Variants in SIMC1 observed in about 807,000 individuals in gnomAD.
The protein encoded by SIMC1 is SUMO-interacting motif-containing protein 1.
A neutral mutation model predicts 82.3 loss-of-function variants in SIMC1; 55 were observed. The observed-to-expected ratio is 0.67, with a 90% CI of 0.54 to 0.84. The LOEUF (loss-of-function observed/expected upper bound fraction) is 0.84. Ranked by LOEUF, SIMC1 falls within the 40% of genes least tolerant of loss-of-function variation. The pLI is 0.00. For synonymous variants in SIMC1, 353 were observed against 426.3 expected (o/e 0.83, Z 2.12); for missense variants, 915 against 1,107.2 (o/e 0.83, Z 2.46).
At chr5:176,294,869 G>A (rs1164806746) in intron 2 of SIMC1, 161 bp from the exon 3 acceptor site, 6 of 985,224 alleles carry the variant, frequency 6.1e-6, no homozygotes, top group Non-Finnish European at 8.6e-6. Flanking sequence ...GGAGGCTGAG[G>A]CAGGAGAATG....
At chr5:176,257,930 C>T (rs1264612247) in intron 1 of SIMC1, among the ~76,000 whole-genome samples, 1 of 152,194 alleles carries the variant, frequency 6.6e-6, no homozygotes, top group East Asian at 1.9e-4. Context: ...TAAAAAATGT[C>T]TCCAGACATT....
chr5:176,253,579 T>A lies in SIMC1; in HGVS notation c.129+14942T>A, dbSNP rs189511791. Among the ~76,000 whole-genome samples, 352 of 152,284 alleles carry A rather than the reference T, an allele frequency of 2.3e-3. 3 individuals are homozygous for A. Among genetic ancestry groups the A allele is most frequent in the African/African-American group, 8.1e-3 (338 of 41,564 alleles). On this transcript the variant is annotated intron_variant, in intron 1 of 9. Transcript: ENST00000429602. Reference sequence around the variant, plus strand: ...ATCCTGGATTGTTGGTCTCATTCCATGTTGTAGGGAGTCATTGACAACTAG... The same window carrying A: ...ATCCTGGATTGTTGGTCTCATTCCAAGTTGTAGGGAGTCATTGACAACTAG...
chr5:176,335,861 A>G (rs1765867232), intron 7 of SIMC1, among the ~76,000 whole-genome samples: 2 of 152,178 alleles, frequency 1.3e-5, no homozygotes, highest in Non-Finnish European at 2.9e-5. Flanking sequence ...CTGACAACAT[A>G]GTGAGACCGC....
rs757391245 is a variant in SIMC1 at position 176,290,462 on chromosome 5, G to A, written c.938G>A (p.Gly313Glu). 2 of 1,613,792 alleles carry A rather than the reference G, an allele frequency of 1.2e-6. No individual in the cohort carries two copies. Among genetic ancestry groups the A allele is most frequent in the Non-Finnish European group, 1.7e-6 (2 of 1,179,762 alleles). Residue 313 changes from glycine to glutamate, a missense_variant, in exon 2 of 10, where the codon GGA becomes GAA. Gly to Glu is a moderately conservative substitution (Grantham distance 98). Around this residue, in one of 2 missense-constraint regions of SIMC1, gnomAD observed 902 missense variants for 1,040.3 expected, o/e 0.87. Coordinates refer to ENST00000429602, the MANE Select transcript of SIMC1 (RefSeq NM_001308195.2). ...CTGCAAGACATGCCACGGTCACCAGGAGATGTGCCACAGTCACCAAGTGAT... is the reference window on the plus strand; with the variant it reads ...CTGCAAGACATGCCACGGTCACCAGAAGATGTGCCACAGTCACCAAGTGAT... Reference protein sequence around the residue: ...AYLQDMPRSPGDVPQSPSDVS... With the variant: ...AYLQDMPRSPEDVPQSPSDVS...
rs565036185 is a variant in SIMC1, at chr5:176,263,371, A to G, written c.129+24734A>G. On this transcript the variant is annotated intron_variant, in intron 1 of 9. Coordinates refer to ENST00000429602, the MANE Select transcript of SIMC1 (RefSeq NM_001308195.2). ...TGCTGTAAGGGAATACCTGAGGCTG[A>G]GTCATTTATAAAGAAAAGAGGTTTA... is the stretch of plus-strand genomic sequence containing the variant. 18 of 1,457,402 alleles carry G rather than the reference A, an allele frequency of 1.2e-5. No individual in the cohort carries two copies. The East Asian group carries it at 4.5e-4, about 36-fold the overall frequency. The allele number at this position is 1,457,402 out of a possible 1,614,324, so 90.3% of individuals were successfully genotyped here.
Position 176,254,392 on chromosome 5 carries a change from T to C in SIMC1, c.129+15755T>C, listed in dbSNP as rs2650293. Among the ~76,000 whole-genome samples the C allele has an allele frequency of 9.5e-3, 1,376 of 145,300 alleles. 20 individuals are homozygous for C. The highest frequency in any genetic ancestry group is 0.022 in the African/African-American group (825 of 37,024). ...TATTGTCCTGGTTTTCAGTTTTGAA[T>C]GTCTGGTTATGGCACTGGATGGTTT... On this transcript the variant is annotated intron_variant, in intron 1 of 9. Coordinates refer to ENST00000429602, the MANE Select transcript of SIMC1 (RefSeq NM_001308195.2).
chr5:176,343,777 T>A (rs1362922640), intron 9 of SIMC1, among the ~76,000 whole-genome samples: 1 of 150,386 alleles, frequency 6.6e-6, no homozygotes, highest in African/African-American at 2.5e-5. Context: ...CTTTTCTTTT[T>A]TTGTTTTTTT....
At chr5:176,272,626 G>A (rs1458372727) in intron 1 of SIMC1, among the ~76,000 whole-genome samples, 1 of 152,206 alleles carries the variant, frequency 6.6e-6, no homozygotes, top group East Asian at 1.9e-4. Flanking sequence ...AAGAGCTGAA[G>A]CAGGGTGAGG....
At chr5:176,257,945 A>G (rs1459732187) in intron 1 of SIMC1, among the ~76,000 whole-genome samples, 5 of 152,202 alleles carry the variant, frequency 3.3e-5, no homozygotes, top group Non-Finnish European at 7.3e-5. Context: ...GACATTGCCA[A>G]ATAGCCCCTG....
At chr5:176,308,256 A>T in intron 4 of SIMC1, 1 of 1,540,430 alleles carries the variant, frequency 6.5e-7, no homozygotes, top group Non-Finnish European at 9.0e-7. Context: ...GTTGCTGAAA[A>T]GGTTGATGCC....
At position 176,295,035 on chromosome 5, in the gene SIMC1, G is replaced by A. The variant is rs759066697; in HGVS notation, c.1437G>A (p.Lys479=). Reference sequence around the variant, plus strand: ...CTTCTTTTTAATCTCTACAGAACAAGGGTCAAAAATTAGAACCCATCCCTC... The same window carrying A: ...CTTCTTTTTAATCTCTACAGAACAAAGGTCAAAAATTAGAACCCATCCCTC... ...LIPDKDTREN[K]GQKLEPIPHR... is the part of the protein sequence containing the mutation. Residue 479 remains lysine, a synonymous_variant, in exon 3 of 10, where the codon AAG becomes AAA. Coordinates refer to ENST00000429602, the MANE Select transcript of SIMC1 (RefSeq NM_001308195.2). 8.7e-6 allele frequency: 14 copies of A among 1,610,546 alleles called. No individual in the cohort carries two copies. The South Asian group carries it at 1.2e-4, about 14-fold the overall frequency.
chr5:176,322,423 G>A lies in SIMC1; in HGVS notation c.2040G>A (p.Gln680=), dbSNP rs775630619. 1 of 1,607,442 alleles carries A rather than the reference G, an allele frequency of 6.2e-7. No individual in the cohort carries two copies. Among genetic ancestry groups the A allele is most frequent in the Non-Finnish European group, 8.5e-7 (1 of 1,176,956 alleles). The change falls in exon 6 of 10, where the codon CAG becomes CAA. Residue 680 remains glutamine, a splice_region_variant and synonymous_variant. Coordinates refer to ENST00000429602, the MANE Select transcript of SIMC1 (RefSeq NM_001308195.2). ...SQPNLTKNTN[Q]LIVCQLQRML... ...CCAACCTGACAAAGAACACCAATCA[G>A]CTGTAAGGGGCAGGCAGTTCTCTTT...
chr5:176,270,386 T>C (rs1201374396), intron 1 of SIMC1: 2 of 152,024 alleles, frequency 1.3e-5, no homozygotes. Context: ...ATTCTTTCTT[T>C]TAAGTTCAAG....
intron 1 of SIMC1, among the ~76,000 whole-genome samples, chr5:176,242,836 G>C (rs1211710374): frequency 6.6e-6 from 1 of 152,040 alleles, no homozygotes; most frequent in East Asian, 1.9e-4. Context: ...TGAAAACCAA[G>C]TCCCTGCCGT....
At chr5:176,256,755 CA>C (rs764153414) in intron 1 of SIMC1, among the ~76,000 whole-genome samples, 5 of 151,888 alleles carry the variant, frequency 3.3e-5, no homozygotes, top group African/African-American at 4.8e-5. Context: ...TTATTTGTAA[CA>C]TTTTTTTTTT....
At position 176,272,532 on chromosome 5, in the gene SIMC1, C is replaced by T. The variant is rs113265840; in HGVS notation, c.130-17122C>T. Among the ~76,000 whole-genome samples the T allele has an allele frequency of 2.1e-4, 32 of 152,268 alleles. 2 individuals carry two copies. Among genetic ancestry groups the T allele is most frequent in the East Asian group, 5.8e-4 (3 of 5,180 alleles). The stretch of plus-strand genomic sequence containing the variant: ...CTCCCAGGGTGAGTGACGCAGAAGA[C>T]GGGTGATGTCTGCATTTCCAACTGA... On this transcript the variant is annotated intron_variant, in intron 1 of 9. Transcript: ENST00000429602.
At chr5:176,288,804 AT>A (rs1224455853) in intron 1 of SIMC1, among the ~76,000 whole-genome samples, 1 of 152,238 alleles carries the variant, frequency 6.6e-6, no homozygotes, top group African/African-American at 2.4e-5. Context: ...TGGCAGTAGT[AT>A]CCAAGTAAGT....
chr5:176,313,239 G>A (rs1158934398), intron 4 of SIMC1: 2 of 1,353,264 alleles, frequency 1.5e-6, no homozygotes, highest in Non-Finnish European at 1.9e-6. Context: ...AGTCATTAAA[G>A]AACCAGTTTC....
intron 4 of SIMC1, chr5:176,308,146 C>A: frequency 9.5e-7 from 1 of 1,054,490 alleles, no homozygotes; most frequent in South Asian, 1.3e-5. Flanking sequence ...ATGCTCTGAG[C>A]ACAGAGAAGG....
Sources: gnomAD v4.1 joint callset for allele counts (sites outside exome capture counted in the v4.1 genomes callset) on GRCh38, gnomAD v4.1.1 for gene constraint, gnomAD v4.1.1 regional missense constraint, MANE v1.5 for transcripts, NCBI Gene and HGNC (gene_info 2026-07-23, HGNC 2026-07-21) for gene names.